DDX47: variants seen among roughly 807,000 people sequenced by gnomAD.
DDX47 encodes DEAD-box helicase 47.
Under a neutral mutation model 58.8 loss-of-function variants are expected in DDX47, and 60 were observed. The observed-to-expected ratio is 1.02, with a 90% CI of 0.83 to 1.26. The LOEUF (loss-of-function observed/expected upper bound fraction) is 1.26, where lower values mean the gene tolerates loss of function less well. Among genes scored for constraint, DDX47 ranks in the 50% most tolerant of loss-of-function variants. The pLI is 0.00. For synonymous variants in DDX47, 197 were observed against 204.6 expected, an observed-to-expected ratio of 0.96 and a Z score of 0.32; for missense variants, 530 against 573.2, an observed-to-expected ratio of 0.92 and a Z score of 0.77.
At chr12:12,820,917 A>T in intron 2 of DDX47, 1 of 395,104 alleles carries the variant, frequency 2.5e-6, no homozygotes, top group South Asian at 2.6e-5. Context: ...GCCTTTTCTG[A>T]CTCTTCTGGG....
At position 12,821,336 on chromosome 12, in the gene DDX47, C is replaced by T. The variant is rs1329220185; in HGVS notation, c.310C>T (p.Leu104=). 6.2e-7 allele frequency: 1 copy of T among 1,614,218 alleles called. No homozygotes were observed. Among genetic ancestry groups the T allele is most frequent in the Non-Finnish European group, 8.5e-7 (1 of 1,180,042 alleles). ...FALVLTPTRE[L]AFQISEQFEA... is the part of the protein sequence containing the mutation. ...CCTAGTTCTTACCCCGACTCGGGAG[C>T]TGGCCTTTCAGATCTCAGAGCAGTT... Residue 104 remains leucine, a synonymous_variant, in exon 3 of 12, where the codon CTG becomes TTG. Transcript: ENST00000358007.
intron 2 of DDX47, among the ~76,000 whole-genome samples, chr12:12,816,682 G>A (rs1039384875): frequency 6.6e-6 from 1 of 152,046 alleles, no homozygotes; most frequent in Non-Finnish European, 1.5e-5. Context: ...TGAGAGTATA[G>A]TTTCACACAA....
chr12:12,829,336 C>G, intron 11 of DDX47, 87 bp from the exon 12 acceptor site: 1 of 1,429,028 alleles, frequency 7.0e-7, no homozygotes, highest in Non-Finnish European at 9.3e-7. Context: ...TTACTTGATA[C>G]TTGATCTTAA....
Position 12,829,885 on chromosome 12 carries a change from G to A in DDX47, c.*331G>A, listed in dbSNP as rs1863105440. On this transcript the variant is annotated 3_prime_UTR_variant, in exon 12 of 12. Coordinates refer to ENST00000358007, the MANE Select transcript of DDX47 (RefSeq NM_016355.4). Reference sequence around the variant, plus strand: ...GATGCCCATGACCTGTAATTGTAAAGAAGCTTGGACATCTGCAAATGATAT... The same window carrying A: ...GATGCCCATGACCTGTAATTGTAAAAAAGCTTGGACATCTGCAAATGATAT... 5.6e-6 allele frequency: 1 copy of A among 178,974 alleles called. No individual in the cohort carries two copies. Among genetic ancestry groups the A allele is most frequent in the African/African-American group, 2.4e-5 (1 of 42,512 alleles). The allele number at this position is 178,974 out of a possible 1,614,324, so 11.1% of individuals were successfully genotyped here.
At chr12:12,826,166 A>G in intron 10 of DDX47, 96 bp downstream of exon 10, 3 of 944,716 alleles carry the variant, frequency 3.2e-6, no homozygotes, top group Non-Finnish European at 4.8e-6. Context: ...TACTACACTA[A>G]TCACTTTCAT....
intron 9 of DDX47, 59 bp downstream of exon 9, chr12:12,824,736 C>A (rs1863025342): frequency 1.3e-6 from 2 of 1,525,422 alleles, no homozygotes; most frequent in Admixed American, 1.9e-5. Context: ...AATGGACTGT[C>A]TTCTGTCTTT....
rs1391564171 is a variant in DDX47 at position 12,814,434 on chromosome 12, G to C, written c.181+210G>C. 34 of 486,488 alleles carry C rather than the reference G, an allele frequency of 7.0e-5. No individual in the cohort carries two copies. The South Asian group carries it at 7.3e-4, about 11-fold the overall frequency. The allele number at this position is 486,488 out of a possible 1,614,324, so 30.1% of individuals were successfully genotyped here. ...CTGAAAGGGTTTGTTCTCTGCCACA[G>C]ATGCTGACTTTAAGGAAGCCCTAGG... On this transcript the variant is annotated intron_variant, in intron 2 of 11. Transcript: ENST00000358007.
At chr12:12,821,839 A>G in intron 4 of DDX47, 113 bp downstream of exon 4, 1 of 1,208,426 alleles carries the variant, frequency 8.3e-7, no homozygotes, top group Admixed American at 2.1e-5. Context: ...TAAATTTTTT[A>G]ATTTCTTAAG....
Position 12,819,434 on chromosome 12 carries a change from A to T in DDX47, c.182-1774A>T, listed in dbSNP as rs181930950. ...TTTCCAGGCATGGGACCGGGCATAT[A>T]TATATATGTAAGTCTCATCGATTAT... is the stretch of plus-strand genomic sequence containing the variant. On this transcript the variant is annotated intron_variant, in intron 2 of 11. Coordinates refer to ENST00000358007, the MANE Select transcript of DDX47 (RefSeq NM_016355.4). 5.9e-5 allele frequency among the ~76,000 whole-genome samples: 9 copies of T among 151,594 alleles called. No individual in the cohort carries two copies. In the East Asian group the frequency reaches 1.6e-3, roughly 26 times the overall value.
At chr12:12,816,878 G>A (rs1862905043) in intron 2 of DDX47, among the ~76,000 whole-genome samples, 1 of 152,174 alleles carries the variant, frequency 6.6e-6, no homozygotes, top group South Asian at 2.1e-4. Flanking sequence ...TACAGTGTAG[G>A]TGAGAAGGAG....
Position 12,813,411 on chromosome 12 carries a change from A to C in DDX47, c.44A>C (p.Gln15Pro), listed in dbSNP as rs758831201. ...EEHDSPTEAS[Q>P]PIVEEEETKT... ...CACGATTCTCCGACCGAAGCGTCCC[A>C]GCCGATTGTGGAAGAGGAGGAAACT... Residue 15 changes from glutamine to proline, a missense_variant, in exon 1 of 12, where the codon CAG becomes CCG. Coordinates refer to ENST00000358007, the MANE Select transcript of DDX47 (RefSeq NM_016355.4). The C allele has an allele frequency of 1.6e-5, 26 of 1,613,584 alleles. 1 individual carries two copies. In the African/African-American group the frequency reaches 1.7e-4, roughly 11 times the overall value.
At chr12:12,817,033 A>G (rs1862907154) in intron 2 of DDX47, among the ~76,000 whole-genome samples, 1 of 152,298 alleles carries the variant, frequency 6.6e-6, no homozygotes, top group East Asian at 1.9e-4. Flanking sequence ...CTTTATCCTT[A>G]TTCTTGGGTT....
At chr12:12,817,721 A>G (rs539648988) in intron 2 of DDX47, among the ~76,000 whole-genome samples, 3 of 152,352 alleles carry the variant, frequency 2.0e-5, no homozygotes, top group Admixed American at 2.0e-4. Context: ...CTCTACAGGT[A>G]TAAACACTGA....
In DDX47 at chr12:12,821,340, C is replaced by T; in HGVS notation, c.314C>T (p.Ala105Val). 6.2e-7 allele frequency: 1 copy of T among 1,614,140 alleles called. No homozygotes were observed. ...ALVLTPTREL[A>V]FQISEQFEAL... ...GTTCTTACCCCGACTCGGGAGCTGG[C>T]CTTTCAGATCTCAGAGCAGTTTGAA... Residue 105 changes from alanine to valine, a missense_variant, in exon 3 of 12, where the codon GCC becomes GTC. Coordinates refer to ENST00000358007, the MANE Select transcript of DDX47 (RefSeq NM_016355.4).
chr12:12,816,393 T>C (rs1862898183), intron 2 of DDX47, among the ~76,000 whole-genome samples: 1 of 152,188 alleles, frequency 6.6e-6, no homozygotes, highest in African/African-American at 2.4e-5. Flanking sequence ...GTGACAGATA[T>C]GTTAATGAGC....
intron 7 of DDX47, 23 bp downstream of exon 7, chr12:12,823,342 T>G: frequency 7.6e-7 from 1 of 1,310,050 alleles, no homozygotes; most frequent in Non-Finnish European, 1.1e-6. Context: ...CTTTGATCAT[T>G]CCTGCCTCTC....
chr12:12,829,074 T>C (rs566411301), intron 11 of DDX47, among the ~76,000 whole-genome samples: 32 of 152,316 alleles, frequency 2.1e-4, no homozygotes, highest in Admixed American at 4.6e-4. Context: ...AAAATTTGAA[T>C]TCATACAGAA....
intron 5 of DDX47, among the ~76,000 whole-genome samples, 167 bp from the exon 6 acceptor site, chr12:12,822,494 T>G (rs1025294480): frequency 2.0e-5 from 3 of 152,224 alleles, no homozygotes; most frequent in African/African-American, 7.2e-5. Flanking sequence ...GGGTATCAGA[T>G]AGTAAATATT....
intron 9 of DDX47, 111 bp from the exon 10 acceptor site, chr12:12,825,889 A>G: frequency 1.3e-6 from 1 of 778,744 alleles, no homozygotes; most frequent in Non-Finnish European, 1.9e-6. Context: ...TCTCCATGTT[A>G]CGAAATGAAT....
Sources: gnomAD v4.1 joint callset for allele counts (sites outside exome capture counted in the v4.1 genomes callset) on GRCh38, gnomAD v4.1.1 for gene constraint, MANE v1.5 for transcripts, NCBI Gene and HGNC (gene_info 2026-07-23, HGNC 2026-07-21) for gene names.